The following MDGA2 variants were observed in gnomAD, a reference collection of about 807,000 sequenced individuals.
MDGA2 encodes MAM domain-containing glycosylphosphatidylinositol anchor protein 2.
In MDGA2, 40 loss-of-function variants were observed where a neutral mutation model predicts 117.8. The ratio of observed to expected loss-of-function variants is 0.34; its 90% CI spans 0.26 to 0.44. The LOEUF (loss-of-function observed/expected upper bound fraction) is 0.44, where lower values mean the gene tolerates loss of function less well. Ranked by LOEUF, MDGA2 falls within the 20% of genes least tolerant of loss-of-function variation. The pLI is 1.00. For missense variants in MDGA2, 1,123 were observed against 1,250.6 expected (o/e 0.90, Z 1.54); for synonymous variants, 452 against 439.0 (o/e 1.03, Z -0.37).
intron 1 of MDGA2, among the ~76,000 whole-genome samples, chr14:47,396,744 T>C (rs1409010174): frequency 6.6e-6 from 1 of 152,196 alleles, no homozygotes; most frequent in Non-Finnish European, 1.5e-5. Context: ...CAGCTCATCA[T>C]CACTGGTCAT....
chr14:47,405,387 C>T (rs904692206), intron 1 of MDGA2, among the ~76,000 whole-genome samples: 2 of 152,152 alleles, frequency 1.3e-5, no homozygotes, highest in Non-Finnish European at 2.9e-5. Context: ...ACAAAGTCTT[C>T]AGCCATGAAA....
chr14:47,026,254 G>A (rs1193918887), intron 8 of MDGA2, among the ~76,000 whole-genome samples: 1 of 152,112 alleles, frequency 6.6e-6, no homozygotes, highest in Non-Finnish European at 1.5e-5. Context: ...TCTTGCTGGA[G>A]GGAGAGGAAG....
chr14:47,027,367 A>C (rs1205177774), intron 8 of MDGA2, among the ~76,000 whole-genome samples: 1 of 152,060 alleles, frequency 6.6e-6, no homozygotes, highest in African/African-American at 2.4e-5. Flanking sequence ...GCCTGGCTTA[A>C]TTTGTACCTT....
At position 47,225,494 on chromosome 14, in the gene MDGA2, AG is replaced by A. The variant is rs1235608689; in HGVS notation, c.421-7300del. Reference sequence around the variant, plus strand: ...TACTATGCAGCCATAAAAAAGGATGAGTTCATGTCCTTTGTAGGGACATGGA... The same window carrying A: ...TACTATGCAGCCATAAAAAAGGATGATTCATGTCCTTTGTAGGGACATGGA... On this transcript the variant is annotated intron_variant, in intron 2 of 16. Coordinates refer to ENST00000399232, the MANE Select transcript of MDGA2 (RefSeq NM_001113498.3). Among the ~76,000 whole-genome samples the A allele has an allele frequency of 1.1e-4, 17 of 152,110 alleles. No individual in the cohort carries two copies. In the East Asian group the frequency reaches 3.3e-3, roughly 29 times the overall value.
chr14:46,968,791 C>T (rs1357240364), intron 8 of MDGA2, among the ~76,000 whole-genome samples: 10 of 149,180 alleles, frequency 6.7e-5, no homozygotes, highest in African/African-American at 2.2e-4. Flanking sequence ...GAGCTGAGAT[C>T]GTGCCACTGC....
At chr14:47,349,393 C>A (rs1311941469) in intron 1 of MDGA2, among the ~76,000 whole-genome samples, 1 of 152,158 alleles carries the variant, frequency 6.6e-6, no homozygotes, top group Non-Finnish European at 1.5e-5. Flanking sequence ...TGATAACCAT[C>A]ATTATTGCTA....
Position 46,844,248 on chromosome 14 carries a change from A to G in MDGA2, c.2989+1518T>C, listed in dbSNP as rs181450500. Among the ~76,000 whole-genome samples, 336 of 152,268 alleles carry G rather than the reference A, an allele frequency of 2.2e-3. 3 individuals carry two copies. The highest frequency in any genetic ancestry group is 7.8e-3 in the African/African-American group (325 of 41,556). ...TGAGGTCTACTTCATTACTTAATAT[A>G]TGTATTTAGGCTCTTTACAATGCTG... On this transcript the variant is annotated intron_variant, in intron 16 of 16. Coordinates refer to ENST00000399232, the MANE Select transcript of MDGA2 (RefSeq NM_001113498.3).
At chr14:47,055,919 A>G (rs1889658764) in intron 7 of MDGA2, among the ~76,000 whole-genome samples, 1 of 152,140 alleles carries the variant, frequency 6.6e-6, no homozygotes, top group South Asian at 2.1e-4. Context: ...TCATTAATTC[A>G]GAGGTCATGG....
intron 1 of MDGA2, among the ~76,000 whole-genome samples, chr14:47,510,896 T>C (rs1894625587): frequency 6.6e-6 from 1 of 152,230 alleles, no homozygotes; most frequent in Non-Finnish European, 1.5e-5. Flanking sequence ...GCTCCCATAG[T>C]GTGGATCTCA....
intron 2 of MDGA2, among the ~76,000 whole-genome samples, chr14:47,250,037 T>C (rs545346338): frequency 5.9e-5 from 9 of 152,338 alleles, no homozygotes; most frequent in African/African-American, 2.2e-4. Flanking sequence ...CAGAATGACA[T>C]GGGTAGAGAC....
chr14:47,606,551 T>G (rs933196749), intron 1 of MDGA2, among the ~76,000 whole-genome samples: 1 of 152,202 alleles, frequency 6.6e-6, no homozygotes, highest in African/African-American at 2.4e-5. Flanking sequence ...TGACTGTGTG[T>G]AGCAATCTTG....
chr14:47,293,234 A>G (rs1381399385), intron 2 of MDGA2, among the ~76,000 whole-genome samples: 7 of 152,174 alleles, frequency 4.6e-5, no homozygotes, highest in Non-Finnish European at 8.8e-5. Context: ...AAGTTTTAAT[A>G]TTCTGTGAAG....
Position 46,864,545 on chromosome 14 carries a change from G to GTTTTTTTTT in MDGA2, c.2752+8879_2752+8887dup, listed in dbSNP as rs71112467. On this transcript the variant is annotated intron_variant, in intron 14 of 16. Transcript: ENST00000399232. ...TTTGTTGCGCTTTGCAGATATTGCT[G>GTTTTTTTTT]TTTTTTTTTTTTTTTTTTTTTTTTT... Among the ~76,000 whole-genome samples the GTTTTTTTTT allele has an allele frequency of 7.2e-4, 37 of 51,472 alleles. 1 individual carries two copies. Among genetic ancestry groups the GTTTTTTTTT allele is most frequent in the African/African-American group, 1.7e-3 (29 of 16,854 alleles). The allele number at this position is 51,472 out of a possible 152,430, so 33.8% of individuals were successfully genotyped here. A position where few individuals can be genotyped will look rare whatever the true frequency, so the allele number is the denominator to read the frequency against.
intron 1 of MDGA2, among the ~76,000 whole-genome samples, chr14:47,384,862 A>C (rs1891721973): frequency 6.6e-6 from 1 of 152,258 alleles, no homozygotes; most frequent in Non-Finnish European, 1.5e-5. Context: ...TCAGGAAACC[A>C]TGCAACCAGA....
intron 1 of MDGA2, among the ~76,000 whole-genome samples, chr14:47,564,446 G>A (rs528712428): frequency 6.6e-6 from 1 of 152,300 alleles, no homozygotes; most frequent in South Asian, 2.1e-4. Context: ...GTCTTTCACA[G>A]ATGGCAGCAG....
chr14:46,882,864 G>A (rs1243979112), intron 10 of MDGA2, among the ~76,000 whole-genome samples: 1 of 151,788 alleles, frequency 6.6e-6, no homozygotes, highest in Non-Finnish European at 1.5e-5. Context: ...TAAGATGAAG[G>A]GTAGGAATTT....
chr14:47,139,875 C>T (rs923763853), intron 4 of MDGA2, among the ~76,000 whole-genome samples: 6 of 142,064 alleles, frequency 4.2e-5, no homozygotes, highest in African/African-American at 1.6e-4. Flanking sequence ...TATATATACA[C>T]ACACACACAT....
intron 1 of MDGA2, among the ~76,000 whole-genome samples, chr14:47,618,043 A>T (rs566887067): frequency 6.6e-6 from 1 of 152,306 alleles, no homozygotes; most frequent in South Asian, 2.1e-4. Context: ...GCTACATCCT[A>T]TCAGTGTTCA....
intron 9 of MDGA2, among the ~76,000 whole-genome samples, chr14:46,942,863 A>G (rs1471015064): frequency 6.6e-6 from 1 of 152,138 alleles, no homozygotes; most frequent in East Asian, 1.9e-4. Context: ...AAGTTTGTGC[A>G]TAAGTCTTTG....
Sources: allele counts gnomAD v4.1 joint callset (sites outside exome capture counted in the v4.1 genomes callset), GRCh38; gene constraint gnomAD v4.1.1; transcripts MANE v1.5; gene names NCBI Gene and HGNC (gene_info 2026-07-23, HGNC 2026-07-21).